The following PCDH15 variants were observed in gnomAD, a reference collection of about 807,000 sequenced individuals.
PCDH15 encodes the protein protocadherin related 15, also known as protocadherin-15.
A neutral mutation model predicts 178.5 loss-of-function variants in PCDH15; 129 were observed. That is an observed-to-expected ratio of 0.72 (90% CI 0.63 to 0.84). The LOEUF (loss-of-function observed/expected upper bound fraction) is 0.84, where lower values mean the gene tolerates loss of function less well. Ranked by LOEUF, PCDH15 falls within the 40% of genes least tolerant of loss-of-function variation. PCDH15 has a pLI of 0.00. For synonymous variants in PCDH15, 800 were observed against 732.0 expected (o/e 1.09, Z -1.50); for missense variants, 2,230 against 2,099.9 (o/e 1.06, Z -1.21).
chr10:54,823,436 A>C (rs1272909623), intron 3 of PCDH15, among the ~76,000 whole-genome samples: 1 of 152,126 alleles, frequency 6.6e-6, no homozygotes, highest in African/African-American at 2.4e-5. Context: ...AGCTTGTAAC[A>C]CTGGTAACAT....
chr10:55,068,493 T>C (rs1841625756), intron 2 of PCDH15, among the ~76,000 whole-genome samples: 1 of 152,156 alleles, frequency 6.6e-6, no homozygotes, highest in South Asian at 2.1e-4. Context: ...TTGTTCACCA[T>C]AGGCGTGCAC....
intron 3 of PCDH15, among the ~76,000 whole-genome samples, chr10:54,811,857 T>G (rs992965465): frequency 6.6e-6 from 1 of 152,230 alleles, no homozygotes; most frequent in Admixed American, 6.5e-5. Flanking sequence ...AATTATGAGT[T>G]TAACAACATG....
At chr10:55,479,757 C>A (rs1461793479) in intron 2 of PCDH15, among the ~76,000 whole-genome samples, 1 of 151,480 alleles carries the variant, frequency 6.6e-6, no homozygotes, top group Non-Finnish European at 1.5e-5. Context: ...GTATAGAATA[C>A]CCTACAGATT....
chr10:54,177,511 G>A (rs2047549529), intron 13 of PCDH15, among the ~76,000 whole-genome samples: 1 of 152,094 alleles, frequency 6.6e-6, no homozygotes, highest in Non-Finnish European at 1.5e-5. Flanking sequence ...GGGCAGGTAT[G>A]CATCTGTGGG....
At chr10:54,844,850 T>C (rs983047941) in intron 3 of PCDH15, among the ~76,000 whole-genome samples, 3 of 151,916 alleles carry the variant, frequency 2.0e-5, no homozygotes, top group African/African-American at 2.4e-5. Context: ...TTTCAGAAAT[T>C]TTGTTTCAAT....
intron 3 of PCDH15, among the ~76,000 whole-genome samples, chr10:54,453,300 A>G (rs1262443154): frequency 3.9e-5 from 6 of 152,288 alleles, no homozygotes; most frequent in Middle Eastern, 6.8e-3. Context: ...TGTGGCACAT[A>G]TACACCATGG....
intron 1 of PCDH15, among the ~76,000 whole-genome samples, chr10:55,287,690 T>G (rs1240865546): frequency 2.0e-5 from 3 of 152,052 alleles, no homozygotes; most frequent in Non-Finnish European, 4.4e-5. Flanking sequence ...TGTGTATGTG[T>G]GTGTTTTAAT....
At chr10:54,774,790 G>A (rs907148402) in intron 1 of PCDH15, among the ~76,000 whole-genome samples, 3 of 151,814 alleles carry the variant, frequency 2.0e-5, no homozygotes, top group Non-Finnish European at 4.4e-5. Flanking sequence ...TGAAATCTTA[G>A]GTAAGTCATT....
intron 10 of PCDH15, among the ~76,000 whole-genome samples, chr10:54,211,942 A>G (rs778064893): frequency 6.6e-6 from 1 of 151,600 alleles, no homozygotes; most frequent in Non-Finnish European, 1.5e-5. Context: ...TGAATCTAAT[A>G]TTGTCTGTTA....
intron 2 of PCDH15, among the ~76,000 whole-genome samples, chr10:55,608,532 T>C (rs1048329815): frequency 6.6e-6 from 1 of 151,840 alleles, no homozygotes; most frequent in Non-Finnish European, 1.5e-5. Flanking sequence ...TACTTCAAGC[T>C]ATAGATATCC....
At chr10:55,490,252 T>C (rs1027207584) in intron 2 of PCDH15, among the ~76,000 whole-genome samples, 1 of 151,530 alleles carries the variant, frequency 6.6e-6, no homozygotes, top group Non-Finnish European at 1.5e-5. Context: ...GAGATCAGAG[T>C]TGAGGGACAC....
rs1945679950 is a variant in PCDH15, at chr10:54,747,912, TCTC to T, written c.-29+53010_-29+53012del. Among the ~76,000 whole-genome samples, 3 of 151,374 alleles carry T rather than the reference TCTC, an allele frequency of 2.0e-5. No homozygotes were observed. In the South Asian group the frequency reaches 6.3e-4, roughly 32 times the overall value. ...GCTCCGCCTCCAGGGTTCACGCCAT[TCTC>T]CTGCCTCAGCCTCCAGAGTAGCTGG... is the stretch of plus-strand genomic sequence containing the variant. On this transcript the variant is annotated intron_variant, in intron 1 of 37. Transcript: ENST00000644397.
At chr10:54,512,359 T>TTGTGTGTGTGTGTGTGTGTGTG (rs200575121) in intron 3 of PCDH15, among the ~76,000 whole-genome samples, 1 of 134,088 alleles carries the variant, frequency 7.5e-6, no homozygotes, top group Non-Finnish European at 1.6e-5. Context: ...ATTTCTGGCA[T>TTGTGTGTGTGTGTGTGTGTGTG]TGTGTGTGTG....
chr10:53,892,179 T>G (rs1462277590), intron 26 of PCDH15, among the ~76,000 whole-genome samples: 2 of 151,892 alleles, frequency 1.3e-5, no homozygotes, highest in African/African-American at 4.8e-5. Flanking sequence ...CGCCTGCCAC[T>G]GCACCCGGCT....
chr10:55,080,269 C>T (rs1415278440), intron 2 of PCDH15, among the ~76,000 whole-genome samples: 1 of 152,134 alleles, frequency 6.6e-6, no homozygotes, highest in Non-Finnish European at 1.5e-5. Flanking sequence ...AGCTGAGCTC[C>T]ACCTCCTGTC....
intron 1 of PCDH15, among the ~76,000 whole-genome samples, chr10:54,772,972 G>A (rs1329301727): frequency 6.6e-6 from 1 of 152,126 alleles, no homozygotes; most frequent in African/African-American, 2.4e-5. Context: ...AAGGGACGTG[G>A]ATGGAGCTGG....
At chr10:53,881,026 C>T (rs1001579617) in intron 26 of PCDH15, among the ~76,000 whole-genome samples, 2 of 152,002 alleles carry the variant, frequency 1.3e-5, no homozygotes, top group Non-Finnish European at 2.9e-5. Context: ...GTATATATCA[C>T]ATATGTATAC....
intron 1 of PCDH15, among the ~76,000 whole-genome samples, chr10:54,690,248 T>C (rs2095095349): frequency 1.3e-5 from 2 of 151,762 alleles, no homozygotes; most frequent in Non-Finnish European, 2.9e-5. Flanking sequence ...TTATATATAG[T>C]ACATAATACT....
At position 54,725,328 on chromosome 10, in the gene PCDH15, T is replaced by C. The variant is rs1942321562; in HGVS notation, c.-28-61038A>G. ...TTAGTAAATGAATGAATATTTAAAT[T>C]ATACAGTAATGAGCGAAATTTAGTA... On this transcript the variant is annotated intron_variant, in intron 1 of 37. Coordinates refer to ENST00000644397, the MANE Select transcript of PCDH15 (RefSeq NM_001384140.1). 2.0e-5 allele frequency among the ~76,000 whole-genome samples: 3 copies of C among 150,720 alleles called. No homozygotes were observed. The South Asian group carries it at 6.2e-4, about 31-fold the overall frequency.
Sources: allele counts gnomAD v4.1 joint callset (sites outside exome capture counted in the v4.1 genomes callset), GRCh38; gene constraint gnomAD v4.1.1; transcripts MANE v1.5; gene names NCBI Gene and HGNC (gene_info 2026-07-23, HGNC 2026-07-21).